LGR6: variants seen among roughly 807,000 people sequenced by gnomAD.
LGR6 encodes the protein leucine-rich repeat-containing G protein-coupled receptor 6.
LGR6 carries 45 observed loss-of-function variants against 69.4 expected under a neutral mutation model. That is an observed-to-expected ratio of 0.65 (90% CI 0.51 to 0.83). LGR6 has a LOEUF of 0.83. Among genes scored for constraint, LGR6 ranks in the 40% least tolerant of loss-of-function variants. The pLI, the probability that LGR6 is intolerant of heterozygous loss-of-function variation, is 0.00. For synonymous variants in LGR6, 538 were observed against 555.0 expected (o/e 0.97, Z 0.43); for missense variants, 1,108 against 1,246.7 (o/e 0.89, Z 1.68).
rs542085617 is a variant in LGR6 at position 202,274,731 on chromosome 1, G to A, written c.429-1575G>A. ...TCCACATTAACACAAAGCTCCCCAG[G>A]GTGGTTCAGCCACAGACCATCAAGG... On this transcript the variant is annotated intron_variant, in intron 4 of 17. Transcript: ENST00000367278. Among the ~76,000 whole-genome samples, 5 of 152,244 alleles carry A rather than the reference G, an allele frequency of 3.3e-5. No individual in the cohort carries two copies. The South Asian group carries it at 1.0e-3, about 32-fold the overall frequency.
At chr1:202,272,259 A>G (rs756695118) in intron 4 of LGR6, among the ~76,000 whole-genome samples, 20 of 152,302 alleles carry the variant, frequency 1.3e-4, no homozygotes, top group Middle Eastern at 3.4e-3. Context: ...TTTATTTGCT[A>G]TATCTGGCAG....
intron 5 of LGR6, 114 bp from the exon 6 acceptor site, chr1:202,280,667 G>A: frequency 1.1e-6 from 1 of 919,400 alleles, no homozygotes; most frequent in Non-Finnish European, 1.8e-6. Context: ...GGACCATTAG[G>A]GTCATTCTGT....
At chr1:202,300,736 C>G (rs1363241561) in intron 7 of LGR6, 113 bp from the exon 8 acceptor site, 2 of 631,418 alleles carry the variant, frequency 3.2e-6, no homozygotes, top group Admixed American at 2.7e-5. Flanking sequence ...GCCAATGCCT[C>G]TTTTGTCTTA....
rs147252358 is a variant in LGR6 at position 202,284,619 on chromosome 1, G to C, written c.716+3767G>C. Among the ~76,000 whole-genome samples the C allele has an allele frequency of 1.6e-4, 25 of 152,288 alleles. No individual in the cohort carries two copies. The Middle Eastern group carries it at 0.01, about 62-fold the overall frequency. On this transcript the variant is annotated intron_variant, in intron 6 of 17. Transcript: ENST00000367278. ...ATTTCTAGGAAGGTTTTCCCAGGAG[G>C]TCTCAGGACCTGAAACCCTAGGTCA...
intron 3 of LGR6, among the ~76,000 whole-genome samples, chr1:202,231,412 C>T (rs1192081512): frequency 1.3e-5 from 2 of 152,176 alleles, no homozygotes; most frequent in African/African-American, 2.4e-5. Flanking sequence ...CTCTGAGTCA[C>T]CCCTGTACAT....
chr1:202,208,628 A>AC (rs1052306156), intron 1 of LGR6, among the ~76,000 whole-genome samples: 10 of 149,432 alleles, frequency 6.7e-5, no homozygotes, highest in South Asian at 4.3e-4. Context: ...AGGAATGCCT[A>AC]CCCCCCCGCC....
At chr1:202,248,728 T>A (rs1662969809) in intron 4 of LGR6, among the ~76,000 whole-genome samples, 2 of 152,144 alleles carry the variant, frequency 1.3e-5, no homozygotes, top group African/African-American at 2.4e-5. Context: ...TGCTGTCCCC[T>A]CGCAAAGCAA....
chr1:202,308,056 C>T (rs1026519845), intron 14 of LGR6, among the ~76,000 whole-genome samples: 1 of 152,192 alleles, frequency 6.6e-6, no homozygotes, highest in Non-Finnish European at 1.5e-5. Flanking sequence ...AGACTGGGCC[C>T]TTTTCTGGTT....
In LGR6 at chr1:202,317,959, C is replaced by T. The variant is rs780382338; in HGVS notation, c.1656C>T (p.Phe552=). 5.6e-6 allele frequency: 9 copies of T among 1,608,698 alleles called. No individual in the cohort carries two copies. The South Asian group carries it at 1.0e-4, about 18-fold the overall frequency. The change falls in exon 18 of 18, where the codon TTC becomes TTT. Residue 552 remains phenylalanine, a synonymous_variant. Coordinates refer to ENST00000367278, the MANE Select transcript of LGR6 (RefSeq NM_001017403.2). The part of the protein sequence containing the change: ...SVQCSPTPGP[F]KPCEYLFESW... The stretch of plus-strand genomic sequence containing the variant: ...GTCTGATCTCTCCTACAGGCCCCTT[C>T]AAGCCCTGTGAGTACCTCTTTGAAA...
chr1:202,217,975 A>G (rs1659896307), intron 1 of LGR6, among the ~76,000 whole-genome samples: 1 of 152,242 alleles, frequency 6.6e-6, no homozygotes, highest in African/African-American at 2.4e-5. Context: ...ATTGCAAAAA[A>G]TCTGAGACAA....
At chr1:202,270,941 G>A (rs1451649460) in intron 4 of LGR6, among the ~76,000 whole-genome samples, 1 of 152,134 alleles carries the variant, frequency 6.6e-6, no homozygotes, top group African/African-American at 2.4e-5. Flanking sequence ...AAGCAGTTTG[G>A]CCCTCGACAG....
At chr1:202,307,157 T>C (rs1282074917) in intron 13 of LGR6, among the ~76,000 whole-genome samples, 173 bp from the exon 14 acceptor site, 3 of 152,148 alleles carry the variant, frequency 2.0e-5, no homozygotes, top group Non-Finnish European at 4.4e-5. Context: ...TCCCTGTTCC[T>C]GGGGCCACAG....
intron 3 of LGR6, among the ~76,000 whole-genome samples, chr1:202,231,769 A>T (rs991460608): frequency 6.6e-6 from 1 of 151,000 alleles, no homozygotes. Context: ...TCTACATGAA[A>T]TTTTTTTTTT....
chr1:202,258,604 A>G (rs558817773), intron 4 of LGR6, among the ~76,000 whole-genome samples: 1 of 151,988 alleles, frequency 6.6e-6, no homozygotes, highest in Non-Finnish European at 1.5e-5. Context: ...TGCTAATGTA[A>G]AGGGGGTATT....
At chr1:202,246,694 A>T (rs539019828) in intron 4 of LGR6, among the ~76,000 whole-genome samples, 1 of 152,214 alleles carries the variant, frequency 6.6e-6, no homozygotes, top group South Asian at 2.1e-4. Context: ...AGCAAACATG[A>T]TGTAAAATAT....
chr1:202,276,200 G>C (rs1665537494), intron 4 of LGR6, 106 bp from the exon 5 acceptor site: 1 of 833,282 alleles, frequency 1.2e-6, no homozygotes, highest in Admixed American at 2.3e-5. Flanking sequence ...TTTAGTCCCA[G>C]GGAGCCTCAA....
chr1:202,210,335 A>C (rs1019514592), intron 1 of LGR6, among the ~76,000 whole-genome samples: 1 of 151,360 alleles, frequency 6.6e-6, no homozygotes, highest in African/African-American at 2.4e-5. Flanking sequence ...CTGCACATGG[A>C]TGCTCAAAAA....
chr1:202,319,166 G>A lies in LGR6; in HGVS notation c.2863G>A (p.Gly955Ser), dbSNP rs55936200. ...AGGTGGAGGCTTGTCAGGGGGTGGC[G>A]GCTTTCAGCCCTCTGGCTTGGCCTT... ...PAGGGLSGGG[G>S]FQPSGLAFAS... The change falls in exon 18 of 18, where the codon GGC (glycine) becomes AGC (serine). Residue 955 changes from glycine (G) to serine (S), a missense_variant. By Grantham distance (56) the Gly-to-Ser change is moderately conservative. Transcript: ENST00000367278. 2,153 of 1,612,614 alleles carry A rather than the reference G, an allele frequency of 1.3e-3. 25 individuals are homozygous for A. In the African/African-American group the frequency reaches 0.022, roughly 17 times the overall value.
intron 4 of LGR6, among the ~76,000 whole-genome samples, chr1:202,271,374 A>T (rs1665082901): frequency 6.6e-6 from 1 of 152,098 alleles, no homozygotes; most frequent in South Asian, 2.1e-4. Flanking sequence ...GGGTGGGGGA[A>T]TTCTCCAGAG....
Sources: gnomAD v4.1 joint callset for allele counts (sites outside exome capture counted in the v4.1 genomes callset) on GRCh38, gnomAD v4.1.1 for gene constraint, MANE v1.5 for transcripts, NCBI Gene and HGNC (gene_info 2026-07-23, HGNC 2026-07-21) for gene names.